Variants in CDH13 observed in about 807,000 individuals in gnomAD.
CDH13 encodes the protein cadherin-13.
Under a neutral mutation model 63.8 loss-of-function variants are expected in CDH13, and 24 were observed. The observed-to-expected ratio is 0.38, with a 90% CI of 0.27 to 0.53. The LOEUF (loss-of-function observed/expected upper bound fraction) is 0.53. Among genes scored for constraint, CDH13 ranks in the 20% least tolerant of loss-of-function variants. The pLI is 0.85. For synonymous variants in CDH13, 503 were observed against 355.3 expected (o/e 1.42, Z -4.67); for missense variants, 1,049 against 903.1 (o/e 1.16, Z -2.07).
rs570256511 is a variant in CDH13, at chr16:82,947,315, G to C, written c.158-84695G>C. 2.4e-3 allele frequency among the ~76,000 whole-genome samples: 368 copies of C among 152,162 alleles called. 3 individuals are homozygous for C. Among genetic ancestry groups the C allele is most frequent in the African/African-American group, 7.9e-3 (326 of 41,508 alleles). On this transcript the variant is annotated intron_variant, in intron 2 of 13. Transcript: ENST00000567109. ...CTATCTACTTATTTCTTACACAAGA[G>C]TGACCAAGAGTGTGTACCCAGGAGG...
At chr16:82,698,602 G>A (rs1329792085) in intron 1 of CDH13, among the ~76,000 whole-genome samples, 1 of 152,158 alleles carries the variant, frequency 6.6e-6, no homozygotes, top group Non-Finnish European at 1.5e-5. Context: ...ATTGGAGGAG[G>A]CATGAGAGAC....
At chr16:83,129,733 G>A (rs1195046090) in intron 4 of CDH13, among the ~76,000 whole-genome samples, 3 of 152,188 alleles carry the variant, frequency 2.0e-5, no homozygotes, top group Non-Finnish European at 4.4e-5. Flanking sequence ...CTGAGGTTTG[G>A]AGGAGAACCT....
At chr16:82,817,326 C>T (rs2037768890) in intron 1 of CDH13, among the ~76,000 whole-genome samples, 2 of 152,120 alleles carry the variant, frequency 1.3e-5, no homozygotes, top group African/African-American at 4.8e-5. Context: ...CTTCTTAGCT[C>T]AGCGTGCTCA....
chr16:83,485,697 C>T (rs377643783), intron 6 of CDH13, among the ~76,000 whole-genome samples: 1 of 152,060 alleles, frequency 6.6e-6, no homozygotes, highest in African/African-American at 2.4e-5. Context: ...TTCATAATGC[C>T]CTCTCTCAGT....
At chr16:83,538,969 C>T (rs2075248782) in intron 7 of CDH13, among the ~76,000 whole-genome samples, 1 of 152,134 alleles carries the variant, frequency 6.6e-6, no homozygotes, top group Admixed American at 6.6e-5. Flanking sequence ...CCCATATAAA[C>T]AGTGGTCTAT....
chr16:82,795,416 A>C (rs62036786), intron 1 of CDH13, among the ~76,000 whole-genome samples: 95 of 152,228 alleles, frequency 6.2e-4, no homozygotes, highest in Admixed American at 1.7e-3. Flanking sequence ...CAATGCATCA[A>C]CCTGGGCCCG....
intron 3 of CDH13, among the ~76,000 whole-genome samples, chr16:83,106,824 A>C (rs2151613163): frequency 6.6e-6 from 1 of 152,310 alleles, no homozygotes; most frequent in African/African-American, 2.4e-5. Flanking sequence ...AGGATGGTAA[A>C]TAAATTTACT....
At chr16:83,279,274 G>A (rs2089088896) in intron 5 of CDH13, among the ~76,000 whole-genome samples, 1 of 152,064 alleles carries the variant, frequency 6.6e-6, no homozygotes, top group African/African-American at 2.4e-5. Context: ...TGAAGTAGAA[G>A]AGAAAGTAAA....
intron 2 of CDH13, among the ~76,000 whole-genome samples, chr16:82,955,636 G>A (rs909913119): frequency 6.6e-6 from 1 of 152,168 alleles, no homozygotes; most frequent in Non-Finnish European, 1.5e-5. Context: ...ACTGTGTTAG[G>A]TGCTGTGAAT....
At chr16:83,402,250 C>T (rs2091979995) in intron 6 of CDH13, among the ~76,000 whole-genome samples, 1 of 152,122 alleles carries the variant, frequency 6.6e-6, no homozygotes, top group South Asian at 2.1e-4. Context: ...TCCCGGAGCG[C>T]CACCTATTGA....
At chr16:83,741,500 A>AGATG (rs142704908) in intron 10 of CDH13, among the ~76,000 whole-genome samples, 13 of 149,834 alleles carry the variant, frequency 8.7e-5, no homozygotes, top group African/African-American at 3.2e-4. Flanking sequence ...ATATATATAT[A>AGATG]TGTGTGTGTG....
chr16:83,669,120 ATTGAT>A (rs1480734093), intron 8 of CDH13, among the ~76,000 whole-genome samples: 12 of 152,282 alleles, frequency 7.9e-5, no homozygotes, highest in Middle Eastern at 6.8e-3. Context: ...CTGAATCTGA[ATTGAT>A]TCCCTGACTG....
intron 5 of CDH13, among the ~76,000 whole-genome samples, chr16:83,325,846 T>A (rs570152626): frequency 6.6e-6 from 1 of 152,170 alleles, no homozygotes; most frequent in Non-Finnish European, 1.5e-5. Context: ...CATATTCTTA[T>A]GTTGCTGCAT....
intron 2 of CDH13, among the ~76,000 whole-genome samples, chr16:83,005,894 G>A (rs927285944): frequency 1.3e-5 from 2 of 152,232 alleles, no homozygotes; most frequent in African/African-American, 4.8e-5. Context: ...GAGTAAATCA[G>A]ATAGCAGACA....
chr16:83,144,896 G>A (rs1446645885), intron 4 of CDH13, among the ~76,000 whole-genome samples: 2 of 152,164 alleles, frequency 1.3e-5, no homozygotes, highest in African/African-American at 2.4e-5. Context: ...CCTTTCCCTG[G>A]GCTGCAGAGG....
intron 6 of CDH13, among the ~76,000 whole-genome samples, chr16:83,414,578 C>A (rs2092172955): frequency 6.6e-6 from 1 of 151,654 alleles, no homozygotes; most frequent in South Asian, 2.1e-4. Flanking sequence ...TCAAGTTTTC[C>A]CTCCCCCTAG....
intron 1 of CDH13, among the ~76,000 whole-genome samples, chr16:82,796,468 T>C (rs2036586891): frequency 6.6e-6 from 1 of 152,246 alleles, no homozygotes; most frequent in Admixed American, 6.5e-5. Context: ...GAGCTGTGAT[T>C]TCAACAGTGA....
intron 3 of CDH13, among the ~76,000 whole-genome samples, chr16:83,062,825 C>A (rs924572477): frequency 6.6e-6 from 1 of 152,308 alleles, no homozygotes; most frequent in South Asian, 2.1e-4. Context: ...CACCTGGTAA[C>A]TTAGCTAGGC....
At chr16:83,423,763 C>T (rs1052824636) in intron 6 of CDH13, among the ~76,000 whole-genome samples, 1 of 152,166 alleles carries the variant, frequency 6.6e-6, no homozygotes, top group Non-Finnish European at 1.5e-5. Context: ...GTTGTGGGGA[C>T]TGCAAGATGT....
Sources: allele counts gnomAD v4.1 joint callset (sites outside exome capture counted in the v4.1 genomes callset), GRCh38; gene constraint gnomAD v4.1.1; transcripts MANE v1.5; gene names NCBI Gene and HGNC (gene_info 2026-07-23, HGNC 2026-07-21).